The following HEPACAM2 variants were observed in gnomAD, a reference collection of about 807,000 sequenced individuals.
The protein encoded by HEPACAM2 is HEPACAM family member 2.
HEPACAM2 carries 49 observed loss-of-function variants against 49.6 expected under a neutral mutation model. That is an observed-to-expected ratio of 0.99 (90% CI 0.78 to 1.25). HEPACAM2 has a LOEUF of 1.25. HEPACAM2 is among the 50% of genes most tolerant of loss of function. The pLI is 0.00. For missense variants in HEPACAM2, 525 were observed against 557.2 expected (o/e 0.94, Z 0.58); for synonymous variants, 197 against 202.9 (o/e 0.97, Z 0.25).
intron 9 of HEPACAM2, among the ~76,000 whole-genome samples, chr7:93,192,041 C>G (rs1487438108): frequency 2.0e-5 from 3 of 152,116 alleles, no homozygotes; most frequent in Non-Finnish European, 2.9e-5. Flanking sequence ...ATCTAGTCCA[C>G]TGGCCCAAGT....
chr7:93,195,773 C>CA, intron 8 of HEPACAM2, 55 bp downstream of exon 8: 1 of 1,364,538 alleles, frequency 7.3e-7, no homozygotes, highest in Non-Finnish European at 1.0e-6. Flanking sequence ...GCTTTTTACA[C>CA]CTCTGGTGAA....
Position 93,208,828 on chromosome 7 carries a change from C to A in HEPACAM2, c.764G>T (p.Gly255Val), listed in dbSNP as rs1349069160. 1 of 1,612,092 alleles carries A rather than the reference C, an allele frequency of 6.2e-7. No individual in the cohort carries two copies. Among genetic ancestry groups the A allele is most frequent in the East Asian group, 2.2e-5 (1 of 44,826 alleles). The change falls in exon 4 of 10, where the codon GGG becomes GTG. Residue 255 changes from glycine (G) to valine (V), a missense_variant. Gly to Val is a moderately radical substitution (Grantham distance 109, BLOSUM62 -3). Coordinates refer to ENST00000394468, the MANE Select transcript of HEPACAM2 (RefSeq NM_001039372.4). ...QVNSDKGLKV[G>V]EVFTVDLGEA... ...TCCAAGGTCAACAGTAAACACTTCC[C>A]CTACTTTTAGCCCTTTATCAGAATT...
At chr7:93,193,389 T>C (rs1194430018) in intron 8 of HEPACAM2, among the ~76,000 whole-genome samples, 3 of 152,158 alleles carry the variant, frequency 2.0e-5, no homozygotes, top group Admixed American at 6.5e-5. Context: ...ATTTGTTGTA[T>C]GAAGGTATTC....
In HEPACAM2 at chr7:93,208,770, A is replaced by T; in HGVS notation, c.822T>A (p.Ser274=). 6.2e-6 allele frequency: 10 copies of T among 1,613,218 alleles called. No homozygotes were observed. Among genetic ancestry groups the T allele is most frequent in the Non-Finnish European group, 8.5e-6 (10 of 1,179,432 alleles). The change falls in exon 4 of 10, where the codon TCT becomes TCA. Residue 274 remains serine, a synonymous_variant. Transcript: ENST00000394468. Reference sequence around the variant, plus strand: ...TCCAGGAGTAGGTGTTGGGGGGATGAGAATCAGCAGAACAATCAAATAGGA... The same window carrying T: ...TCCAGGAGTAGGTGTTGGGGGGATGTGAATCAGCAGAACAATCAAATAGGA... ...EAILFDCSAD[S]HPPNTYSWIR...
the HEPACAM2 span, among the ~76,000 whole-genome samples, chr7:93,232,126 C>T: frequency 6.6e-6 from 1 of 152,172 alleles, no homozygotes; most frequent in Non-Finnish European, 1.5e-5. Context: ...CTTAGGTTTC[C>T]GTCTCGCCGA....
chr7:93,228,795 T>TA (rs764303145), upstream of HEPACAM2, among the ~76,000 whole-genome samples: 9 of 152,170 alleles, frequency 5.9e-5, no homozygotes, highest in East Asian at 3.9e-4. Flanking sequence ...GCCACTGGGA[T>TA]AGAGTATGCG....
chr7:93,208,366 C>A (rs1052642183), intron 4 of HEPACAM2, among the ~76,000 whole-genome samples: 2 of 152,010 alleles, frequency 1.3e-5, no homozygotes, highest in Non-Finnish European at 2.9e-5. Flanking sequence ...TAGCCCTTCA[C>A]AATTGAATTG....
At chr7:93,193,158 G>A (rs979203744) in intron 8 of HEPACAM2, among the ~76,000 whole-genome samples, 4 of 151,964 alleles carry the variant, frequency 2.6e-5, no homozygotes, top group Non-Finnish European at 5.9e-5. Context: ...CACCTCGAGG[G>A]CTCTTTGCTC....
chr7:93,226,011 C>T, intron 1 of HEPACAM2: 1 of 720,182 alleles, frequency 1.4e-6, no homozygotes, highest in South Asian at 2.0e-5. Flanking sequence ...TAAGTGGTCA[C>T]AATTTCATGG....
Position 93,209,807 on chromosome 7 carries a change from A to G in HEPACAM2, c.716-931T>C, listed in dbSNP as rs185058038. Among the ~76,000 whole-genome samples, 8 of 152,018 alleles carry G rather than the reference A, an allele frequency of 5.3e-5. No individual in the cohort carries two copies. The East Asian group carries it at 1.5e-3, about 29-fold the overall frequency. On this transcript the variant is annotated intron_variant, in intron 3 of 9. Coordinates refer to ENST00000394468, the MANE Select transcript of HEPACAM2 (RefSeq NM_001039372.4). ...TCTCAGTGCTAGGGTAGGCCATGTAAATATTTATAAAAGACATTGTTTCAC... is the reference window on the plus strand; with the variant it reads ...TCTCAGTGCTAGGGTAGGCCATGTAGATATTTATAAAAGACATTGTTTCAC...
chr7:93,215,348 A>G (rs1794274455), intron 3 of HEPACAM2, 53 bp downstream of exon 3: 11 of 1,514,404 alleles, frequency 7.3e-6, no homozygotes, highest in Admixed American at 3.5e-5. Context: ...CCTGGGAGAT[A>G]TTCTCAGAAA....
intron 4 of HEPACAM2, among the ~76,000 whole-genome samples, chr7:93,198,925 A>T (rs1793806218): frequency 6.6e-6 from 1 of 152,114 alleles, no homozygotes. Context: ...TCCACTCAGA[A>T]TACTTCCATT....
At chr7:93,214,734 A>C (rs1410303185) in intron 3 of HEPACAM2, among the ~76,000 whole-genome samples, 1 of 152,186 alleles carries the variant, frequency 6.6e-6, no homozygotes, top group Non-Finnish European at 1.5e-5. Flanking sequence ...TGTGATAATA[A>C]TGAGATTGGT....
intron 3 of HEPACAM2, among the ~76,000 whole-genome samples, chr7:93,214,345 A>G (rs1349453635): frequency 2.0e-5 from 3 of 152,182 alleles, no homozygotes; most frequent in Admixed American, 1.3e-4. Context: ...ACAATTACCA[A>G]TTAATGAGTC....
At chr7:93,194,303 TA>T (rs1562820146) in intron 8 of HEPACAM2, among the ~76,000 whole-genome samples, 1 of 152,098 alleles carries the variant, frequency 6.6e-6, no homozygotes. Flanking sequence ...TTATTTTAAA[TA>T]AAAAAACTGA....
chr7:93,225,931 GT>G (rs771323288), intron 1 of HEPACAM2: 1 of 1,427,582 alleles, frequency 7.0e-7, no homozygotes, highest in South Asian at 1.3e-5. Flanking sequence ...AAACGAAGCA[GT>G]AAACAGTTTG....
chr7:93,215,896 C>A (rs1249050999), intron 2 of HEPACAM2, among the ~76,000 whole-genome samples: 1 of 152,104 alleles, frequency 6.6e-6, no homozygotes, highest in Non-Finnish European at 1.5e-5. Context: ...CATTTATAGT[C>A]AGAGATAATC....
rs771664132 is a variant in HEPACAM2 at position 93,219,217 on chromosome 7, GC to G, written c.313del (p.Ala105HisfsTer18). ...QHKFTMMPPN[A>X]SLLINPLQFP... The stretch of plus-strand genomic sequence containing the variant: ...CTGCAGTGGGTTGATAAGCAGAGAT[GC>G]ATTGGGTGGCATCATGGTGAACTTG... On this transcript the variant is annotated frameshift_variant, in exon 2 of 10. Coordinates refer to ENST00000394468, the MANE Select transcript of HEPACAM2 (RefSeq NM_001039372.4). LOFTEE classifies it high-confidence loss of function. 5 of 1,613,890 alleles carry G rather than the reference GC, an allele frequency of 3.1e-6. No individual in the cohort carries two copies. The African/African-American group carries it at 6.7e-5, about 22-fold the overall frequency.
upstream of HEPACAM2, among the ~76,000 whole-genome samples, chr7:93,231,023 TACA>T (rs911029172): frequency 6.6e-6 from 1 of 152,192 alleles, no homozygotes; most frequent in Non-Finnish European, 1.5e-5. Context: ...ATTAAAATAT[TACA>T]ACCTCATTTG....
Sources: allele counts gnomAD v4.1 joint callset (sites outside exome capture counted in the v4.1 genomes callset), GRCh38; gene constraint gnomAD v4.1.1; transcripts MANE v1.5; gene names NCBI Gene and HGNC (gene_info 2026-07-23, HGNC 2026-07-21).